ACO1: variants seen among roughly 807,000 people sequenced by gnomAD.
ACO1 encodes the protein aconitase 1, also known as cytoplasmic aconitate hydratase.
A neutral mutation model predicts 105.1 loss-of-function variants in ACO1; 78 were observed. That is an observed-to-expected ratio of 0.74 (90% CI 0.62 to 0.90). ACO1 has a LOEUF of 0.90. ACO1 is among the 40% of genes least tolerant of loss of function. The pLI is 0.00. For missense variants in ACO1, 965 were observed against 1,111.1 expected (o/e 0.87, Z 1.87); for synonymous variants, 364 against 397.4 (o/e 0.92, Z 1.00).
At chr9:32,449,970 A>G (rs528306462) in intron 20 of ACO1, 28 bp from the exon 21 acceptor site, 9 of 1,593,418 alleles carry the variant, frequency 5.6e-6, no homozygotes, top group Admixed American at 5.0e-5. Context: ...ACCTCCCTCA[A>G]TGATGCTTCT....
intron 4 of ACO1, among the ~76,000 whole-genome samples, chr9:32,409,787 A>G (rs1327460088): frequency 6.6e-6 from 1 of 152,092 alleles, no homozygotes; most frequent in African/African-American, 2.4e-5. Flanking sequence ...CCAGAAGGTT[A>G]GGCCATGCAT....
At chr9:32,405,679 G>T in intron 2 of ACO1, 76 bp downstream of exon 2, 1 of 1,128,732 alleles carries the variant, frequency 8.9e-7, no homozygotes. Flanking sequence ...TACACTTGAG[G>T]AGAGTTTGAA....
At chr9:32,398,409 T>A (rs368633098) in intron 1 of ACO1, among the ~76,000 whole-genome samples, 12 of 152,202 alleles carry the variant, frequency 7.9e-5, no homozygotes, top group African/African-American at 2.9e-4. Flanking sequence ...AATCACTCCC[T>A]GTCAGCTGGG....
At chr9:32,436,517 A>G in intron 18 of ACO1, 120 bp downstream of exon 18, 8 of 1,128,110 alleles carry the variant, frequency 7.1e-6, no homozygotes, top group Non-Finnish European at 7.7e-6. Flanking sequence ...TCCTACCCTA[A>G]CTACAGTCCT....
intron 11 of ACO1, among the ~76,000 whole-genome samples, chr9:32,426,444 A>C (rs1311082551): frequency 6.6e-6 from 1 of 152,172 alleles, no homozygotes; most frequent in Non-Finnish European, 1.5e-5. Flanking sequence ...CCTGTTTCGC[A>C]ATTCTGGTTG....
At chr9:32,416,392 T>C (rs1294153591) in intron 4 of ACO1, among the ~76,000 whole-genome samples, 1 of 152,088 alleles carries the variant, frequency 6.6e-6, no homozygotes, top group Non-Finnish European at 1.5e-5. Flanking sequence ...TGTGCCCGGC[T>C]CCAGATGTGT....
rs1026745655 is a variant in ACO1 at position 32,450,497 on chromosome 9, G to T, written c.*386G>T. On this transcript the variant is annotated 3_prime_UTR_variant, in exon 21 of 21. Coordinates refer to ENST00000309951, the MANE Select transcript of ACO1 (RefSeq NM_002197.3). ...CCTACCCTCTTATTGTTCCTCTTACGCTCTGCTCAATGAAACCTTCCTCTT... is the reference window on the plus strand; with the variant it reads ...CCTACCCTCTTATTGTTCCTCTTACTCTCTGCTCAATGAAACCTTCCTCTT... The T allele has an allele frequency of 6.5e-6, 2 of 308,002 alleles. No homozygotes were observed. The highest frequency in any genetic ancestry group is 2.2e-5 in the African/African-American group (1 of 45,536). The allele number at this position is 308,002 out of a possible 1,614,324, so 19.1% of individuals were successfully genotyped here.
chr9:32,451,125 CTCATTTTTACCCCTGTAGTCA>C lies in ACO1; in HGVS notation c.*1016_*1036del, dbSNP rs1401946223. ...CAGGACACTAAAAACCAATTATCTG[CTCATTTTTACCCCTGTAGTCA>C]TTTCTGGGCATGCCTTAGTTTGCTT... On this transcript the variant is annotated 3_prime_UTR_variant, in exon 21 of 21. Transcript: ENST00000309951. 9 of 152,096 alleles carry C rather than the reference CTCATTTTTACCCCTGTAGTCA, an allele frequency of 5.9e-5. No homozygotes were observed. Among genetic ancestry groups the C allele is most frequent in the African/African-American group, 1.9e-4 (8 of 41,422 alleles). 9.4% of individuals were successfully genotyped at this position (152,096 alleles called of 1,614,324 possible).
chr9:32,388,755 T>C (rs1000662906), intron 1 of ACO1, among the ~76,000 whole-genome samples: 3 of 152,230 alleles, frequency 2.0e-5, no homozygotes, highest in Non-Finnish European at 2.9e-5. Flanking sequence ...CAGAGAACTT[T>C]TGTTACTTTT....
At chr9:32,421,075 G>T in intron 8 of ACO1, 48 bp downstream of exon 8, 1 of 1,582,000 alleles carries the variant, frequency 6.3e-7, no homozygotes, top group Non-Finnish European at 8.7e-7. Flanking sequence ...AAAGTTCCAT[G>T]AAACACCAAG....
chr9:32,408,612 T>A lies in ACO1; in HGVS notation c.365T>A (p.Leu122His). Residue 122 changes from leucine to histidine, a missense_variant, in exon 4 of 21, where the codon CTT becomes CAT. By Grantham distance (99) the Leu-to-His change is moderately conservative. Transcript: ENST00000309951. ...EKINPVCPADLVIDHSIQVDF... is the reference protein window; with the variant it reads ...EKINPVCPADHVIDHSIQVDF... ...ATAAACCCTGTCTGCCCTGCTGATC[T>A]TGTAATAGATCATTCCATCCAGGTT... The A allele has an allele frequency of 6.2e-7, 1 of 1,614,246 alleles. No individual in the cohort carries two copies. Among genetic ancestry groups the A allele is most frequent in the Non-Finnish European group, 8.5e-7 (1 of 1,180,032 alleles).
chr9:32,422,907 T>C (rs535465547), intron 8 of ACO1, among the ~76,000 whole-genome samples: 1 of 152,342 alleles, frequency 6.6e-6, no homozygotes, highest in South Asian at 2.1e-4. Context: ...CAGGTGGGGT[T>C]GGGATGCGTT....
chr9:32,405,648 T>TGA, intron 2 of ACO1, 45 bp downstream of exon 2: 1 of 1,342,348 alleles, frequency 7.4e-7, no homozygotes, highest in Non-Finnish European at 1.1e-6. Context: ...ATTTGCACAA[T>TGA]GATTAGGCTA....
intron 4 of ACO1, among the ~76,000 whole-genome samples, chr9:32,409,492 TG>T (rs1042759165): frequency 4.8e-4 from 73 of 152,348 alleles, no homozygotes; most frequent in African/African-American, 1.8e-3. Context: ...ATAGGTTTTT[TG>T]TTGCTGTTTT....
intron 1 of ACO1, among the ~76,000 whole-genome samples, chr9:32,399,099 G>A (rs1437913636): frequency 1.3e-5 from 2 of 152,192 alleles, no homozygotes; most frequent in Non-Finnish European, 2.9e-5. Context: ...TTTTAGGGCT[G>A]TCTGTCATTC....
chr9:32,398,825 G>A (rs1230783199), intron 1 of ACO1, among the ~76,000 whole-genome samples: 1 of 152,026 alleles, frequency 6.6e-6, no homozygotes, highest in Non-Finnish European at 1.5e-5. Flanking sequence ...AAACTCCTGG[G>A]CTCAAGCAGT....
Position 32,439,353 on chromosome 9 carries a change from G to A in ACO1, c.2248-1112G>A, listed in dbSNP as rs1220189254. 1.3e-5 allele frequency among the ~76,000 whole-genome samples: 2 copies of A among 152,134 alleles called. No homozygotes were observed. The highest frequency in any genetic ancestry group is 4.8e-5 in the African/African-American group (2 of 41,422). ...TGAAGACATACAGAATCCTATCCGGGTTTAGGTAATGCATGCGAAATTAAC... is the reference window on the plus strand; with the variant it reads ...TGAAGACATACAGAATCCTATCCGGATTTAGGTAATGCATGCGAAATTAAC... On this transcript the variant is annotated intron_variant, in intron 18 of 20. Coordinates refer to ENST00000309951, the MANE Select transcript of ACO1 (RefSeq NM_002197.3). The surrounding 1 kb of genome is among the most constrained non-coding windows in gnomAD (Gnocchi z 4.0).
At position 32,437,164 on chromosome 9, in the gene ACO1, G is replaced by A. The variant is rs183786099; in HGVS notation, c.2247+767G>A. ...TATGGCACTTAACTACATTCCAGGT[G>A]TTCTCCTAAGCTCTTGGCATATATT... On this transcript the variant is annotated intron_variant, in intron 18 of 20. Coordinates refer to ENST00000309951, the MANE Select transcript of ACO1 (RefSeq NM_002197.3). 8.7e-4 allele frequency among the ~76,000 whole-genome samples: 133 copies of A among 152,260 alleles called. 1 individual carries two copies. The highest frequency in any genetic ancestry group is 2.9e-3 in the African/African-American group (120 of 41,540).
At chr9:32,394,278 G>C (rs771156595) in intron 1 of ACO1, among the ~76,000 whole-genome samples, 3 of 152,172 alleles carry the variant, frequency 2.0e-5, no homozygotes, top group Non-Finnish European at 2.9e-5. Context: ...TCTGATGCTG[G>C]ATTAGGTGCT....
Sources: allele counts gnomAD v4.1 joint callset (sites outside exome capture counted in the v4.1 genomes callset), GRCh38; gene constraint gnomAD v4.1.1; non-coding constraint Gnocchi (gnomAD v3.1); transcripts MANE v1.5; gene names NCBI Gene and HGNC (gene_info 2026-07-23, HGNC 2026-07-21).